The following CRAMP1 variants were observed in gnomAD, a reference collection of about 807,000 sequenced individuals.
CRAMP1 encodes cramped chromatin regulator 1, also known as protein cramped-like.
A neutral mutation model predicts 115.4 loss-of-function variants in CRAMP1; 50 were observed. The observed-to-expected ratio is 0.43, with a 90% confidence interval of 0.35 to 0.55. CRAMP1 has a LOEUF of 0.55. CRAMP1 is among the 20% of genes least tolerant of loss of function. The pLI is 0.01. For missense variants in CRAMP1, 1,679 were observed against 1,721.7 expected, an observed-to-expected ratio of 0.98 and a Z score of 0.44; for synonymous variants, 866 against 745.4, an observed-to-expected ratio of 1.16 and a Z score of -2.64.
chr16:1,656,222 A>T lies in CRAMP1; in HGVS notation c.1465A>T (p.Ser489Cys). The change falls in exon 10 of 21, where the codon AGT becomes TGT. Residue 489 changes from serine to cysteine, a missense_variant. Ser to Cys is a moderately radical substitution (Grantham distance 112). Coordinates refer to ENST00000397412, the MANE Select transcript of CRAMP1 (RefSeq NM_020825.4). This position sits in a 1 kb window ranked among gnomAD's most constrained non-coding sequence, Gnocchi z 5.6. ...AADALQSSGE[S>C]SPESAPGEGA... The stretch of plus-strand genomic sequence containing the variant: ...TGACGCCTTGCAGAGCTCCGGAGAG[A>T]GTTCCCCCGAAAGCGCCCCCGGGGA... The T allele has an allele frequency of 6.2e-7, 1 of 1,606,866 alleles. No individual in the cohort carries two copies. The highest frequency in any genetic ancestry group is 8.5e-7 in the Non-Finnish European group (1 of 1,178,166).
chr16:1,620,612 T>G (rs768547534), intron 2 of CRAMP1: 1 of 456,690 alleles, frequency 2.2e-6, no homozygotes, highest in South Asian at 1.6e-5. Flanking sequence ...GTCACTGGGC[T>G]TCTGCGTCTG....
intron 18 of CRAMP1, among the ~76,000 whole-genome samples, chr16:1,668,703 T>A (rs2036896700): frequency 6.6e-6 from 1 of 152,198 alleles, no homozygotes; most frequent in Non-Finnish European, 1.5e-5. Context: ...TGAGCCTCCC[T>A]TTCCTAAGCG....
chr16:1,614,573 G>C lies in CRAMP1; in HGVS notation c.-1-66G>C. 3 of 1,020,850 alleles carry C rather than the reference G, an allele frequency of 2.9e-6. No individual in the cohort carries two copies. Among genetic ancestry groups the C allele is most frequent in the Non-Finnish European group, 3.7e-6 (3 of 801,480 alleles). 63.2% of individuals were successfully genotyped at this position (1,020,850 alleles called of 1,614,324 possible). A position where few individuals can be genotyped will look rare whatever the true frequency, so the allele number is the denominator to read the frequency against. On this transcript the variant is annotated intron_variant, in intron 1 of 20. Coordinates refer to ENST00000397412, the MANE Select transcript of CRAMP1 (RefSeq NM_020825.4). The surrounding 1 kb of genome is among the most constrained non-coding windows in gnomAD (Gnocchi z 4.4). ...ACAACGGCGGCCATGTTGAGAGCGC[G>C]TCGGGGCCGCTAAACTTCCCGGCCT... is the stretch of plus-strand genomic sequence containing the variant.
intron 6 of CRAMP1, among the ~76,000 whole-genome samples, chr16:1,646,817 G>T (rs943099635): frequency 6.6e-6 from 1 of 152,220 alleles, no homozygotes; most frequent in African/African-American, 2.4e-5. Context: ...GATCTGCTTT[G>T]AATTAACTTT....
At chr16:1,617,445 A>G (rs2036430608) in intron 2 of CRAMP1, among the ~76,000 whole-genome samples, 1 of 152,390 alleles carries the variant, frequency 6.6e-6, no homozygotes, top group South Asian at 2.1e-4. Flanking sequence ...CTCACCTTCC[A>G]GAAAGATGCT....
chr16:1,656,637 T>G lies in CRAMP1; in HGVS notation c.1880T>G (p.Val627Gly). The G allele has an allele frequency of 6.3e-7, 1 of 1,579,004 alleles. No individual in the cohort carries two copies. Among genetic ancestry groups the G allele is most frequent in the East Asian group, 2.3e-5 (1 of 42,812 alleles). ...CCCGGCCCCGGGCTCCTGCTGGATGTTTGCACTAAAGACTTGGCAGATGCA... is the reference window on the plus strand; with the variant it reads ...CCCGGCCCCGGGCTCCTGCTGGATGGTTGCACTAAAGACTTGGCAGATGCA... ...PRPGPGLLLD[V>G]CTKDLADAPA... The change falls in exon 10 of 21, where the codon GTT (valine) becomes GGT (glycine). Residue 627 changes from valine to glycine, a missense_variant. By Grantham distance (109) the Val-to-Gly change is moderately radical. This residue lies in a region of CRAMP1 where 405 missense variants were observed against 302.6 expected (regional missense o/e 1.34). Transcript: ENST00000397412. This position sits in a 1 kb window ranked among gnomAD's most constrained non-coding sequence, Gnocchi z 5.6.
intron 18 of CRAMP1, among the ~76,000 whole-genome samples, chr16:1,668,780 C>G (rs910662343): frequency 6.6e-6 from 1 of 152,200 alleles, no homozygotes; most frequent in African/African-American, 2.4e-5. Flanking sequence ...CATGTGCAAC[C>G]CGTGGTGGCT....
chr16:1,645,575 G>A (rs1055536512), intron 6 of CRAMP1, among the ~76,000 whole-genome samples: 1 of 152,202 alleles, frequency 6.6e-6, no homozygotes, highest in East Asian at 1.9e-4. Flanking sequence ...CCCACTCAGC[G>A]TTGTGCCTTC....
intron 3 of CRAMP1, among the ~76,000 whole-genome samples, chr16:1,629,074 ACTTCATTTCAAGT>A (rs2036528644): frequency 2.0e-5 from 3 of 152,030 alleles, no homozygotes; most frequent in Admixed American, 1.3e-4. Flanking sequence ...CCCAGCCCTG[ACTTCATTTCAAGT>A]TCCTGTTCCT....
At chr16:1,664,735 C>T (rs1407559053) in intron 13 of CRAMP1, among the ~76,000 whole-genome samples, 4 of 151,202 alleles carry the variant, frequency 2.6e-5, no homozygotes, top group African/African-American at 7.3e-5. Context: ...GCCGAAATTG[C>T]ACCACTGCAC....
rs1226309059 is a variant in CRAMP1, at chr16:1,634,124, G to T, written c.694+1759G>T. On this transcript the variant is annotated intron_variant, in intron 4 of 20. Coordinates refer to ENST00000397412, the MANE Select transcript of CRAMP1 (RefSeq NM_020825.4). ...TCTCTATGGGGGAAGCTGGCCAGCA[G>T]CGGAGGGGACTGGGCAGCTGTTTAG... is the stretch of plus-strand genomic sequence containing the variant. 2.6e-5 allele frequency among the ~76,000 whole-genome samples: 4 copies of T among 152,192 alleles called. No homozygotes were observed. In the East Asian group the frequency reaches 7.7e-4, roughly 29 times the overall value.
At chr16:1,662,465 C>T (rs1596496648) in intron 11 of CRAMP1, 25 bp from the exon 12 acceptor site, 2 of 1,594,192 alleles carry the variant, frequency 1.3e-6, no homozygotes, top group African/African-American at 1.3e-5. Flanking sequence ...TGCTGTCACA[C>T]TGATTCTCTC....
chr16:1,658,103 C>A (rs2036791805), intron 10 of CRAMP1, among the ~76,000 whole-genome samples: 1 of 152,238 alleles, frequency 6.6e-6, no homozygotes, highest in Non-Finnish European at 1.5e-5. Context: ...GCTCCCACCC[C>A]CAGCCGGTGC....
At chr16:1,655,152 G>C in intron 8 of CRAMP1, 67 bp from the exon 9 acceptor site, 1 of 1,376,590 alleles carries the variant, frequency 7.3e-7, no homozygotes, top group East Asian at 2.3e-5. Context: ...AAGCAGCCTC[G>C]GGACTCTTCA....
At position 1,671,318 on chromosome 16, in the gene CRAMP1, C is replaced by T. The variant is rs2036920259; in HGVS notation, c.3645+509C>T. On this transcript the variant is annotated intron_variant, in intron 20 of 20. Coordinates refer to ENST00000397412, the MANE Select transcript of CRAMP1 (RefSeq NM_020825.4). The surrounding 1 kb of genome is among the most constrained non-coding windows in gnomAD (Gnocchi z 5.0). Reference sequence around the variant, plus strand: ...GCTGTCCTCATGCTTCTCCCACGCCCAGGGTAGTGATAGGAGGAGTCACTG... The same window carrying T: ...GCTGTCCTCATGCTTCTCCCACGCCTAGGGTAGTGATAGGAGGAGTCACTG... Among the ~76,000 whole-genome samples, 1 of 152,182 alleles carries T rather than the reference C, an allele frequency of 6.6e-6. No homozygotes were observed. The highest frequency in any genetic ancestry group is 6.5e-5 in the Admixed American group (1 of 15,286).
intron 3 of CRAMP1, among the ~76,000 whole-genome samples, chr16:1,629,528 G>A (rs950842968): frequency 5.9e-5 from 9 of 152,186 alleles, no homozygotes; most frequent in Admixed American, 1.3e-4. Context: ...CACGGCAGGC[G>A]CGACACAGAT....
intron 6 of CRAMP1, among the ~76,000 whole-genome samples, chr16:1,646,138 A>G (rs1292159090): frequency 4.6e-5 from 7 of 152,172 alleles, no homozygotes; most frequent in Non-Finnish European, 1.0e-4. Context: ...CATGTTCCAC[A>G]GTGTTGACAT....
intron 6 of CRAMP1, among the ~76,000 whole-genome samples, chr16:1,649,081 C>G (rs920982927): frequency 6.6e-6 from 1 of 151,646 alleles, no homozygotes; most frequent in African/African-American, 2.4e-5. Flanking sequence ...AGAAGTTTGT[C>G]TCAGTACAAC....
intron 14 of CRAMP1, chr16:1,665,635 G>T: frequency 4.6e-6 from 1 of 215,134 alleles, no homozygotes; most frequent in Non-Finnish European, 9.3e-6. Context: ...CTTATTGCAA[G>T]ACCCTTAACA....
Sources: allele counts gnomAD v4.1 joint callset (sites outside exome capture counted in the v4.1 genomes callset), GRCh38; gene constraint gnomAD v4.1.1; regional missense constraint gnomAD v4.1.1; non-coding constraint Gnocchi (gnomAD v3.1); transcripts MANE v1.5; gene names NCBI Gene and HGNC (gene_info 2026-07-23, HGNC 2026-07-21).